VDAC1: variants seen among roughly 807,000 people sequenced by gnomAD.
VDAC1 encodes non-selective voltage-gated ion channel VDAC1.
Under a neutral mutation model 34.7 loss-of-function variants are expected in VDAC1, and 10 were observed. That is an observed-to-expected ratio of 0.29 (90% CI 0.18 to 0.49). The LOEUF (loss-of-function observed/expected upper bound fraction) is 0.49. VDAC1 is among the 20% of genes least tolerant of loss of function. VDAC1 has a pLI of 0.99. For missense variants in VDAC1, 230 were observed against 347.9 expected (o/e 0.66, Z 2.69); for synonymous variants, 130 against 136.0 (o/e 0.96, Z 0.30).
upstream of VDAC1, among the ~76,000 whole-genome samples, chr5:134,006,923 G>C (rs1198967494): frequency 6.6e-6 from 1 of 151,932 alleles, no homozygotes; most frequent in African/African-American, 2.4e-5. Context: ...CAGAGTGTTG[G>C]TGTAAGTTTA....
At chr5:134,097,868 T>C in the VDAC1 span, among the ~76,000 whole-genome samples, 3 of 152,004 alleles carry the variant, frequency 2.0e-5, no homozygotes, top group African/African-American at 7.2e-5. Flanking sequence ...TTTTTCTTTT[T>C]CTTTCTTTCT....
the VDAC1 span, among the ~76,000 whole-genome samples, chr5:134,110,752 G>C: frequency 6.6e-6 from 1 of 152,326 alleles, no homozygotes; most frequent in Admixed American, 6.5e-5. Context: ...AATCCATCTG[G>C]GGCTCCTTTG....
chr5:133,997,101 AAAT>A (rs1753344797), intron 1 of VDAC1, among the ~76,000 whole-genome samples: 1 of 152,144 alleles, frequency 6.6e-6, no homozygotes, highest in Admixed American at 6.5e-5. Flanking sequence ...GCAAAAACGT[AAAT>A]AATATCCAGT....
At chr5:134,032,570 A>G in the VDAC1 span, among the ~76,000 whole-genome samples, 2 of 152,190 alleles carry the variant, frequency 1.3e-5, no homozygotes, top group Non-Finnish European at 2.9e-5. Flanking sequence ...CCATGCATGG[A>G]AGAATGGTTG....
intron 3 of VDAC1, among the ~76,000 whole-genome samples, chr5:133,991,472 G>A (rs1753100664): frequency 1.3e-5 from 2 of 152,208 alleles, no homozygotes; most frequent in Non-Finnish European, 2.9e-5. Context: ...AGCTAAAGCT[G>A]ACACAGCGGT....
chr5:134,081,898 T>C, the VDAC1 span: 2,813 of 156,196 alleles, frequency 0.018, 69 homozygotes, highest in African/African-American at 0.06. Flanking sequence ...AAGGCAGTGC[T>C]GGAGTCGGCC....
chr5:134,045,085 C>T, the VDAC1 span, among the ~76,000 whole-genome samples: 1 of 152,212 alleles, frequency 6.6e-6, no homozygotes, highest in Non-Finnish European at 1.5e-5. Context: ...CCAATCACAT[C>T]ACGGGTCAAA....
At chr5:134,104,718 G>T in the VDAC1 span, among the ~76,000 whole-genome samples, 1 of 152,230 alleles carries the variant, frequency 6.6e-6, no homozygotes, top group East Asian at 1.9e-4. Context: ...ACTTGACCAC[G>T]ATGGGGAAAC....
chr5:134,080,325 C>A, the VDAC1 span, among the ~76,000 whole-genome samples: 126 of 152,348 alleles, frequency 8.3e-4, no homozygotes, highest in Admixed American at 2.2e-3. Context: ...TGGGGTCGAG[C>A]CAGTGAGAGA....
chr5:133,986,971 A>G (rs1752930442), intron 5 of VDAC1, among the ~76,000 whole-genome samples: 1 of 152,224 alleles, frequency 6.6e-6, no homozygotes, highest in African/African-American at 2.4e-5. Flanking sequence ...AATATAAATA[A>G]ATAATTGATT....
the VDAC1 span, among the ~76,000 whole-genome samples, chr5:134,103,215 A>C: frequency 2.6e-4 from 40 of 152,202 alleles, no homozygotes; most frequent in South Asian, 7.7e-3. Context: ...TCCACCTCCC[A>C]GGCTCAAGCC....
chr5:134,007,228 G>A (rs1237992513), upstream of VDAC1, among the ~76,000 whole-genome samples: 2 of 145,238 alleles, frequency 1.4e-5, no homozygotes, highest in African/African-American at 5.1e-5. Context: ...TGGGCAACAA[G>A]AGCGAAACTC....
chr5:134,049,116 A>G, the VDAC1 span, among the ~76,000 whole-genome samples: 3 of 152,198 alleles, frequency 2.0e-5, no homozygotes, highest in Non-Finnish European at 4.4e-5. Flanking sequence ...TAAGTCCCAA[A>G]GCACATGGGT....
At chr5:134,054,587 G>A in the VDAC1 span, among the ~76,000 whole-genome samples, 1 of 151,542 alleles carries the variant, frequency 6.6e-6, no homozygotes, top group African/African-American at 2.4e-5. Flanking sequence ...AGCCTCCGGA[G>A]TAGCTGTAAT....
At chr5:134,114,532 G>A in the VDAC1 span, among the ~76,000 whole-genome samples, 1 of 152,018 alleles carries the variant, frequency 6.6e-6, no homozygotes, top group Non-Finnish European at 1.5e-5. Context: ...CTTGTCCGAC[G>A]TCTCTCTCAG....
chr5:134,061,746 A>G, the VDAC1 span, among the ~76,000 whole-genome samples: 9 of 151,808 alleles, frequency 5.9e-5, no homozygotes, highest in Admixed American at 1.3e-4. Flanking sequence ...TGTAATTTTT[A>G]TTCTTTGAAT....
At chr5:134,110,455 A>G in the VDAC1 span, among the ~76,000 whole-genome samples, 2 of 152,190 alleles carry the variant, frequency 1.3e-5, no homozygotes, top group Non-Finnish European at 2.9e-5. Context: ...GCCTTTCTGT[A>G]GGTCACAACC....
chr5:134,015,813 T>C, the VDAC1 span, among the ~76,000 whole-genome samples: 1 of 151,918 alleles, frequency 6.6e-6, no homozygotes, highest in Non-Finnish European at 1.5e-5. Flanking sequence ...CCCAGCTAAT[T>C]TTTGTATTTT....
At chr5:134,006,302 G>C (rs530231878), upstream of VDAC1, among the ~76,000 whole-genome samples, 12 of 152,314 alleles carry the variant, frequency 7.9e-5, no homozygotes, top group Middle Eastern at 0.017. Context: ...GGGAGGACAA[G>C]AACTCAGGGA....
Sources: allele counts gnomAD v4.1 joint callset (sites outside exome capture counted in the v4.1 genomes callset), GRCh38; gene constraint gnomAD v4.1.1; transcripts MANE v1.5; gene names NCBI Gene and HGNC (gene_info 2026-07-23, HGNC 2026-07-21).